TOGARAM2: variants seen among roughly 807,000 people sequenced by gnomAD.
TOGARAM2 encodes TOG array regulator of axonemal microtubules 2, also known as TOG array regulator of axonemal microtubules protein 2.
TOGARAM2 carries 85 observed loss-of-function variants against 93.3 expected under a neutral mutation model. That is an observed-to-expected ratio of 0.91 (90% CI 0.76 to 1.09). The LOEUF (loss-of-function observed/expected upper bound fraction) is 1.09. Ranked by LOEUF, TOGARAM2 falls within the 50% of genes least tolerant of loss-of-function variation. TOGARAM2 has a pLI of 0.00. For synonymous variants in TOGARAM2, 593 were observed against 552.8 expected, an observed-to-expected ratio of 1.07 and a Z score of -1.02; for missense variants, 1,277 against 1,334.5, an observed-to-expected ratio of 0.96 and a Z score of 0.67.
intron 18 of TOGARAM2, among the ~76,000 whole-genome samples, chr2:29,043,803 A>G (rs539230456): frequency 5.2e-4 from 79 of 152,344 alleles, no homozygotes; most frequent in Admixed American, 4.8e-3. Context: ...TTTCTAGGAC[A>G]GGCCCATTTT....
At chr2:28,985,901 C>T (rs1250604634) in intron 1 of TOGARAM2, among the ~76,000 whole-genome samples, 2 of 151,924 alleles carry the variant, frequency 1.3e-5, no homozygotes, top group Admixed American at 6.6e-5. Context: ...GTCAGGAGTT[C>T]GAGACCAGCC....
chr2:29,043,360 T>A (rs1666549911), intron 18 of TOGARAM2, among the ~76,000 whole-genome samples: 1 of 152,178 alleles, frequency 6.6e-6, no homozygotes, highest in Non-Finnish European at 1.5e-5. Flanking sequence ...AGCTCTTAGA[T>A]AAACTTGTGC....
intron 13 of TOGARAM2, 138 bp downstream of exon 13, chr2:29,024,512 C>T: frequency 1.3e-6 from 1 of 786,426 alleles, no homozygotes; most frequent in Non-Finnish European, 2.0e-6. Context: ...TGCAGGGGGT[C>T]CCTTGAGATG....
intron 2 of TOGARAM2, among the ~76,000 whole-genome samples, chr2:28,995,509 G>A (rs994415354): frequency 6.6e-6 from 1 of 152,218 alleles, no homozygotes; most frequent in African/African-American, 2.4e-5. Flanking sequence ...TGATGCACAC[G>A]GCAGAACTCC....
intron 1 of TOGARAM2, among the ~76,000 whole-genome samples, chr2:28,964,996 T>C (rs1671849009): frequency 6.6e-6 from 1 of 152,208 alleles, no homozygotes; most frequent in Admixed American, 6.5e-5. Context: ...TTCCTTTGGG[T>C]ATATACCCAG....
At chr2:29,015,706 G>A (rs141251418) in intron 8 of TOGARAM2, among the ~76,000 whole-genome samples, 3 of 152,242 alleles carry the variant, frequency 2.0e-5, no homozygotes, top group Admixed American at 1.3e-4. Flanking sequence ...TGACCCCATC[G>A]CAGCTTTTGA....
chr2:29,003,918 T>A (rs184368264), intron 6 of TOGARAM2, among the ~76,000 whole-genome samples: 1 of 152,320 alleles, frequency 6.6e-6, no homozygotes, highest in African/African-American at 2.4e-5. Flanking sequence ...TCACGAACAA[T>A]GTCTCCAGCC....
At chr2:28,981,934 C>T (rs1672215703) in intron 1 of TOGARAM2, among the ~76,000 whole-genome samples, 1 of 152,168 alleles carries the variant, frequency 6.6e-6, no homozygotes, top group Admixed American at 6.5e-5. Context: ...AGGGTGGGGG[C>T]ATGCTGTGGG....
chr2:28,981,216 C>T (rs1014479489), upstream of TOGARAM2: 4 of 152,282 alleles, frequency 2.6e-5, no homozygotes, highest in Admixed American at 2.6e-4. Flanking sequence ...GCAATGAGAC[C>T]AAGGGGAAAA....
intron 10 of TOGARAM2, 197 bp downstream of exon 10, chr2:29,018,153 G>T: frequency 1.6e-6 from 1 of 617,622 alleles, no homozygotes. Context: ...TACAGGCTGG[G>T]CTTGGGACCC....
rs554056043 is a variant in TOGARAM2, at chr2:29,022,936, C to T, written c.1512-150C>T. The T allele has an allele frequency of 3.7e-5, 24 of 641,144 alleles. 1 individual carries two copies. The Middle Eastern group carries it at 8.8e-4, about 24-fold the overall frequency. The allele number at this position is 641,144 out of a possible 1,614,324, so 39.7% of individuals were successfully genotyped here. ...AGGATTCCAGGCCAGGGTGTTACCC[C>T]GGGAAACCCTGCTCTGAGGCCATGG... On this transcript the variant is annotated intron_variant, in intron 11 of 19. Coordinates refer to ENST00000379558, the MANE Select transcript of TOGARAM2 (RefSeq NM_199280.4).
chr2:28,992,985 G>A (rs544288283), intron 1 of TOGARAM2, among the ~76,000 whole-genome samples: 1 of 151,582 alleles, frequency 6.6e-6, no homozygotes, highest in African/African-American at 2.4e-5. Context: ...GCTTGAATCC[G>A]GGAAGTGGAG....
At chr2:29,040,193 C>A (rs1215282036) in intron 18 of TOGARAM2, among the ~76,000 whole-genome samples, 1 of 152,150 alleles carries the variant, frequency 6.6e-6, no homozygotes, top group Admixed American at 6.5e-5. Flanking sequence ...TGTTAAAAAT[C>A]ATAATGTAAA....
At chr2:29,023,298 C>A (rs13018233) in intron 12 of TOGARAM2, 107 bp downstream of exon 12, 1 of 897,872 alleles carries the variant, frequency 1.1e-6, no homozygotes. Flanking sequence ...ATGGGGATCC[C>A]TGCTTATTTC....
At chr2:29,008,879 C>A (rs530185371) in intron 6 of TOGARAM2, among the ~76,000 whole-genome samples, 1 of 152,170 alleles carries the variant, frequency 6.6e-6, no homozygotes, top group South Asian at 2.1e-4. Flanking sequence ...GGATTAGTTC[C>A]GTAATAAATA....
chr2:29,039,032 G>C (rs529858147), intron 18 of TOGARAM2, among the ~76,000 whole-genome samples: 1 of 152,172 alleles, frequency 6.6e-6, no homozygotes. Flanking sequence ...GCCTGCAGAT[G>C]GAAGTAACTA....
chr2:29,013,011 A>G (rs1057049740), intron 7 of TOGARAM2, among the ~76,000 whole-genome samples: 15 of 152,166 alleles, frequency 9.9e-5, no homozygotes, highest in African/African-American at 3.6e-4. Flanking sequence ...GTGACCTGGG[A>G]GCTCTGCACG....
chr2:28,996,158 T>C (rs569535970), intron 2 of TOGARAM2, among the ~76,000 whole-genome samples: 3 of 152,300 alleles, frequency 2.0e-5, no homozygotes, highest in East Asian at 3.9e-4. Context: ...TGGGTGTACA[T>C]GTGATATTTG....
intron 1 of TOGARAM2, among the ~76,000 whole-genome samples, chr2:28,963,280 G>A (rs1671823009): frequency 6.6e-6 from 1 of 152,048 alleles, no homozygotes; most frequent in Non-Finnish European, 1.5e-5. Flanking sequence ...GATTAATTTT[G>A]TTCTAAGAGA....
Sources: gnomAD v4.1 joint callset for allele counts (sites outside exome capture counted in the v4.1 genomes callset) on GRCh38, gnomAD v4.1.1 for gene constraint, MANE v1.5 for transcripts, NCBI Gene and HGNC (gene_info 2026-07-23, HGNC 2026-07-21) for gene names.